The following MSRB2 variants were observed in gnomAD, a reference collection of about 807,000 sequenced individuals.
MSRB2 encodes methionine sulfoxide reductase B2, also known as methionine-R-sulfoxide reductase B2, mitochondrial.
A neutral mutation model predicts 19.0 loss-of-function variants in MSRB2; 17 were observed. That is an observed-to-expected ratio of 0.89 (90% CI 0.61 to 1.34). MSRB2 has a LOEUF of 1.34. Ranked by LOEUF, MSRB2 falls within the 40% of genes most tolerant of loss-of-function variation. The probability of loss-of-function intolerance (pLI) is 0.00; values close to 1 mark genes in which losing one functional copy is unlikely to be tolerated. For synonymous variants in MSRB2, 107 were observed against 99.7 expected (o/e 1.07, Z -0.44); for missense variants, 208 against 237.6 (o/e 0.88, Z 0.82).
intron 1 of MSRB2, among the ~76,000 whole-genome samples, chr10:23,103,560 A>G (rs1839948545): frequency 6.6e-6 from 1 of 152,256 alleles, no homozygotes; most frequent in Admixed American, 6.5e-5. Flanking sequence ...GACAAAAACC[A>G]TGAAGCATCA....
In MSRB2 at chr10:23,117,880, C is replaced by G. The variant is rs543754418; in HGVS notation, c.297-1424C>G. Among the ~76,000 whole-genome samples, 4 of 152,354 alleles carry G rather than the reference C, an allele frequency of 2.6e-5. No homozygotes were observed. The South Asian group carries it at 6.2e-4, about 24-fold the overall frequency. ...AGCTGGGATTATAGGCGTGGGCCAC[C>G]ACGCCAGCAAAATTCGAAACTTTTT... On this transcript the variant is annotated intron_variant, in intron 3 of 4. Coordinates refer to ENST00000376510, the MANE Select transcript of MSRB2 (RefSeq NM_012228.4).
At chr10:23,117,413 G>C (rs1290451035) in intron 3 of MSRB2, among the ~76,000 whole-genome samples, 2 of 152,150 alleles carry the variant, frequency 1.3e-5, no homozygotes, top group Non-Finnish European at 2.9e-5. Context: ...TGAAGATTCA[G>C]TTGTCTTTTT....
rs986072137 is a variant in MSRB2 at position 23,095,664 on chromosome 10, G to A, written c.56G>A (p.Arg19Gln). ...CTGACCCTCGGAACTGCGCCTCGGCGGGCGGTGCGGGGCCAAGCGGGCGGC... is the reference window on the plus strand; with the variant it reads ...CTGACCCTCGGAACTGCGCCTCGGCAGGCGGTGCGGGGCCAAGCGGGCGGC... ...RGLTLGTAPR[R>Q]AVRGQAGGGG... Residue 19 changes from arginine (R) to glutamine (Q), a missense_variant, in exon 1 of 5, where the codon CGG becomes CAG. Transcript: ENST00000376510. The A allele has an allele frequency of 1.5e-6, 2 of 1,356,070 alleles. No individual in the cohort carries two copies. Among genetic ancestry groups the A allele is most frequent in the Non-Finnish European group, 1.9e-6 (2 of 1,063,040 alleles). The allele number at this position is 1,356,070 out of a possible 1,614,324, so 84.0% of individuals were successfully genotyped here.
chr10:23,096,350 C>CTGTGTGTG (rs780651477), intron 1 of MSRB2, among the ~76,000 whole-genome samples: 14 of 61,726 alleles, frequency 2.3e-4, no homozygotes, highest in Non-Finnish European at 3.4e-5. Context: ...CTCTCTCTCT[C>CTGTGTGTG]TCTGTGTGTG....
rs144149748 is a variant in MSRB2, at chr10:23,103,404, T to A, written c.119-740T>A. 2.3e-4 allele frequency among the ~76,000 whole-genome samples: 35 copies of A among 152,344 alleles called. No individual in the cohort carries two copies. In the East Asian group the frequency reaches 3.5e-3, roughly 15 times the overall value. ...ATCCTTTCAGATTCTTAATGTTGGA[T>A]GATTAAAAACATTTATTATAGGAGT... On this transcript the variant is annotated intron_variant, in intron 1 of 4. Transcript: ENST00000376510.
intron 2 of MSRB2, among the ~76,000 whole-genome samples, chr10:23,105,399 T>A (rs1158623691): frequency 6.6e-6 from 1 of 152,150 alleles, no homozygotes; most frequent in Non-Finnish European, 1.5e-5. Flanking sequence ...GTATTCCTTT[T>A]CTCTTACTGT....
intron 3 of MSRB2, among the ~76,000 whole-genome samples, chr10:23,110,708 C>A (rs1445085675): frequency 6.6e-6 from 1 of 152,008 alleles, no homozygotes; most frequent in Non-Finnish European, 1.5e-5. Context: ...AACTCTCTCC[C>A]AGGGAAAATG....
At chr10:23,105,935 C>T (rs1489975860) in intron 2 of MSRB2, among the ~76,000 whole-genome samples, 1 of 152,172 alleles carries the variant, frequency 6.6e-6, no homozygotes, top group Non-Finnish European at 1.5e-5. Context: ...CTACATTAGC[C>T]ATTTGTGTAG....
chr10:23,097,282 G>C (rs189745992), intron 1 of MSRB2, among the ~76,000 whole-genome samples: 4 of 152,172 alleles, frequency 2.6e-5, no homozygotes, highest in Non-Finnish European at 4.4e-5. Context: ...CTTGGCTCTC[G>C]GTTACTTCCT....
At chr10:23,110,513 A>G (rs1840038904) in intron 3 of MSRB2, among the ~76,000 whole-genome samples, 195 bp downstream of exon 3, 3 of 152,128 alleles carry the variant, frequency 2.0e-5, no homozygotes, top group African/African-American at 7.2e-5. Context: ...TTTTTTTTCT[A>G]GCATTTAGAG....
intron 1 of MSRB2, among the ~76,000 whole-genome samples, chr10:23,103,052 TAAAA>T (rs529165991): frequency 1.1e-3 from 161 of 152,088 alleles, no homozygotes; most frequent in African/African-American, 3.7e-3. Context: ...ATAACAGTAA[TAAAA>T]AGAAAGAAGA....
intron 2 of MSRB2, among the ~76,000 whole-genome samples, 189 bp downstream of exon 2, chr10:23,104,433 C>T (rs1409399855): frequency 6.6e-6 from 1 of 152,138 alleles, no homozygotes; most frequent in Non-Finnish European, 1.5e-5. Flanking sequence ...TCTCTGGACA[C>T]AGCATCTCTA....
intron 3 of MSRB2, among the ~76,000 whole-genome samples, chr10:23,115,363 G>A (rs1043099070): frequency 8.5e-5 from 13 of 152,154 alleles, no homozygotes; most frequent in Non-Finnish European, 1.8e-4. Context: ...TAAAATAAGA[G>A]GAAACAGAGC....
chr10:23,101,469 C>T (rs1253816296), intron 1 of MSRB2, among the ~76,000 whole-genome samples: 1 of 152,144 alleles, frequency 6.6e-6, no homozygotes, highest in East Asian at 1.9e-4. Context: ...CTACTATAAA[C>T]GTGTGTGCAG....
At chr10:23,113,386 A>G (rs4488102) in intron 3 of MSRB2, among the ~76,000 whole-genome samples, 136,559 of 152,112 alleles carry the variant, frequency 0.9, 61,969 homozygotes, top group Non-Finnish European at 0.96. Flanking sequence ...AGCACACACC[A>G]TGGGTTTTTT....
Position 23,098,995 on chromosome 10 carries a change from C to T in MSRB2, c.118+3269C>T, listed in dbSNP as rs184959087. ...GCTGCCTTCTTGCTGTGTCCCCAGG[C>T]GGCCTTTTCTCTGCTGTCCCTTCCT... On this transcript the variant is annotated intron_variant, in intron 1 of 4. Transcript: ENST00000376510. Among the ~76,000 whole-genome samples the T allele has an allele frequency of 3.1e-3, 474 of 152,296 alleles. 2 individuals are homozygous for T. Among genetic ancestry groups the T allele is most frequent in the Non-Finnish European group, 5.0e-3 (337 of 68,034 alleles).
chr10:23,108,554 C>CA (rs1007581567), intron 2 of MSRB2, among the ~76,000 whole-genome samples: 147 of 150,428 alleles, frequency 9.8e-4, no homozygotes, highest in African/African-American at 3.4e-3. Flanking sequence ...CGGCTCACTG[C>CA]AACCTCTGCC....
chr10:23,109,134 G>T (rs1427947574), intron 2 of MSRB2, among the ~76,000 whole-genome samples: 2 of 152,218 alleles, frequency 1.3e-5, no homozygotes, highest in Non-Finnish European at 2.9e-5. Flanking sequence ...GGAGGGGACA[G>T]TGCCTGCCGC....
intron 3 of MSRB2, among the ~76,000 whole-genome samples, chr10:23,118,346 T>G (rs1315755982): frequency 8.7e-5 from 13 of 149,448 alleles, no homozygotes; most frequent in South Asian, 2.1e-4. Context: ...TGTTTTTTTT[T>G]TTTTTTTTTT....
Sources: gnomAD v4.1 joint callset for allele counts (sites outside exome capture counted in the v4.1 genomes callset) on GRCh38, gnomAD v4.1.1 for gene constraint, MANE v1.5 for transcripts, NCBI Gene and HGNC (gene_info 2026-07-23, HGNC 2026-07-21) for gene names.